The following TEAD4 variants were observed in gnomAD, a reference collection of about 807,000 sequenced individuals.
TEAD4 encodes the protein transcriptional enhancer factor TEF-3.
TEAD4 carries 36 observed loss-of-function variants against 52.4 expected under a neutral mutation model. The ratio of observed to expected loss-of-function variants is 0.69; its 90% CI spans 0.53 to 0.91. TEAD4 has a LOEUF of 0.91. Among genes scored for constraint, TEAD4 ranks in the 40% least tolerant of loss-of-function variants. The pLI is 0.00. For missense variants in TEAD4, 508 were observed against 583.9 expected (o/e 0.87, Z 1.34); for synonymous variants, 220 against 231.0 (o/e 0.95, Z 0.43).
chr12:2,972,983 C>A (rs1184300344), intron 2 of TEAD4, among the ~76,000 whole-genome samples: 7 of 152,210 alleles, frequency 4.6e-5, no homozygotes, highest in Non-Finnish European at 7.3e-5. Context: ...CATGCATTGG[C>A]CCCTTGGAGG....
chr12:2,992,019 T>C (rs767484428), intron 2 of TEAD4, among the ~76,000 whole-genome samples: 24,490 of 113,992 alleles, frequency 0.21, 2,577 homozygotes, highest in African/African-American at 0.51. Context: ...GTTCCTGCTT[T>C]TTTTTTTTTT....
intron 8 of TEAD4, among the ~76,000 whole-genome samples, chr12:3,019,923 A>G (rs1000425788): frequency 6.6e-6 from 1 of 152,012 alleles, no homozygotes; most frequent in East Asian, 1.9e-4. Flanking sequence ...CACACTGACC[A>G]TGTCTTCACT....
chr12:3,000,967 C>G (rs1170393655), intron 3 of TEAD4, among the ~76,000 whole-genome samples: 2 of 152,220 alleles, frequency 1.3e-5, no homozygotes, highest in South Asian at 2.1e-4. Context: ...ACCATGGCCT[C>G]ATTTGCAGGA....
At chr12:3,017,675 C>T in intron 6 of TEAD4, 149 bp downstream of exon 6, 1 of 1,164,924 alleles carries the variant, frequency 8.6e-7, no homozygotes, top group Non-Finnish European at 1.2e-6. Context: ...GAACAAGGAC[C>T]CAAGGGCCAC....
Position 3,040,556 on chromosome 12 carries a change from G to T in TEAD4, c.*78G>T. ...CGTGGGGAGGGGACCTGCAGGGGCA[G>T]CCCCCTGAAGTGCCAAGAGAGCTGA... On this transcript the variant is annotated 3_prime_UTR_variant, in exon 13 of 13. Transcript: ENST00000359864. 7.7e-7 allele frequency: 1 copy of T among 1,302,262 alleles called. No individual in the cohort carries two copies. Among genetic ancestry groups the T allele is most frequent in the Non-Finnish European group, 1.1e-6 (1 of 916,362 alleles). 80.7% of individuals were successfully genotyped at this position (1,302,262 alleles called of 1,614,324 possible).
intron 8 of TEAD4, 141 bp downstream of exon 8, chr12:3,019,311 T>A: frequency 1.1e-6 from 1 of 937,812 alleles, no homozygotes; most frequent in Non-Finnish European, 1.6e-6. Context: ...TCCTAGTCCC[T>A]GGCCACACCC....
chr12:3,010,864 C>A, intron 3 of TEAD4, 140 bp from the exon 4 acceptor site: 1 of 858,300 alleles, frequency 1.2e-6, no homozygotes, highest in South Asian at 1.7e-5. Flanking sequence ...AGGGAACCCA[C>A]AGAATCCTCA....
chr12:2,990,357 A>G (rs1014294332), intron 2 of TEAD4, among the ~76,000 whole-genome samples: 3 of 151,852 alleles, frequency 2.0e-5, no homozygotes, highest in African/African-American at 7.3e-5. Context: ...ACTAAGCGAT[A>G]TAAAATTCAA....
At chr12:3,017,059 C>G in intron 5 of TEAD4, 1 of 480,756 alleles carries the variant, frequency 2.1e-6, no homozygotes, top group Non-Finnish European at 4.1e-6. Flanking sequence ...ATCGTTTTCA[C>G]AAGACAGGTG....
intron 3 of TEAD4, among the ~76,000 whole-genome samples, 177 bp downstream of exon 3, chr12:2,995,169 G>C (rs1160701752): frequency 6.6e-6 from 1 of 152,060 alleles, no homozygotes; most frequent in Non-Finnish European, 1.5e-5. Context: ...GGAGAAGCCT[G>C]TGAGGGGGTG....
At position 2,966,716 on chromosome 12, in the gene TEAD4, C is replaced by CT. The variant is rs1418698433; in HGVS notation, c.-30+6684dup. 5.8e-4 allele frequency among the ~76,000 whole-genome samples: 88 copies of CT among 151,114 alleles called. 1 individual carries two copies. The highest frequency in any genetic ancestry group is 3.5e-3 in the East Asian group (18 of 5,114). On this transcript the variant is annotated intron_variant, in intron 2 of 12. Coordinates refer to ENST00000359864, the MANE Select transcript of TEAD4 (RefSeq NM_003213.4). Reference sequence around the variant, plus strand: ...GTGAGCCACCATGCCCGGCGTATTTCTTTTTTTTGAGATGGAGTCTCGCCC... The same window carrying CT: ...GTGAGCCACCATGCCCGGCGTATTTCTTTTTTTTTGAGATGGAGTCTCGCCC...
chr12:2,975,876 T>C (rs1301255903), intron 2 of TEAD4, among the ~76,000 whole-genome samples: 1 of 152,222 alleles, frequency 6.6e-6, no homozygotes, highest in African/African-American at 2.4e-5. Flanking sequence ...CATTGATCTT[T>C]TGACTGTCCC....
Position 3,022,101 on chromosome 12 carries a change from T to A in TEAD4, c.897+84T>A, listed in dbSNP as rs557797362. ...GGGCGAGAGTGCCCAGAGTGTGCCC[T>A]TGTCACAGTAGAAACTTGGGGAGGT... On this transcript the variant is annotated intron_variant, in intron 10 of 12. Coordinates refer to ENST00000359864, the MANE Select transcript of TEAD4 (RefSeq NM_003213.4). The A allele has an allele frequency of 7.2e-4, 1,109 of 1,534,138 alleles. 2 individuals carry two copies. Among genetic ancestry groups the A allele is most frequent in the Non-Finnish European group, 9.0e-4 (1,021 of 1,130,460 alleles).
At chr12:2,995,769 G>A (rs1475297509) in intron 3 of TEAD4, among the ~76,000 whole-genome samples, 1 of 152,194 alleles carries the variant, frequency 6.6e-6, no homozygotes, top group East Asian at 1.9e-4. Flanking sequence ...CACTTTGGGA[G>A]GCCAAGGTGG....
At chr12:3,032,917 G>A (rs747640459) in intron 10 of TEAD4, among the ~76,000 whole-genome samples, 1 of 152,182 alleles carries the variant, frequency 6.6e-6, no homozygotes, top group Admixed American at 6.5e-5. Flanking sequence ...AGGCTGCCCC[G>A]GCTCCCCCCG....
At chr12:2,986,701 A>C (rs1264287743) in intron 2 of TEAD4, among the ~76,000 whole-genome samples, 1 of 152,148 alleles carries the variant, frequency 6.6e-6, no homozygotes, top group Non-Finnish European at 1.5e-5. Flanking sequence ...CAAAAAGTAT[A>C]GTATAGTAAA....
At position 3,039,092 on chromosome 12, in the gene TEAD4, C is replaced by T. The variant is rs534860946; in HGVS notation, c.1038+984C>T. ...CTCATGCCAAATGCAGCCAGATGCCCGGCCAGCACCAGGGAGGAGACATTA... is the reference window on the plus strand; with the variant it reads ...CTCATGCCAAATGCAGCCAGATGCCTGGCCAGCACCAGGGAGGAGACATTA... On this transcript the variant is annotated intron_variant, in intron 11 of 12. Coordinates refer to ENST00000359864, the MANE Select transcript of TEAD4 (RefSeq NM_003213.4). Among the ~76,000 whole-genome samples, 28 of 152,296 alleles carry T rather than the reference C, an allele frequency of 1.8e-4. No individual in the cohort carries two copies. In the South Asian group the frequency reaches 3.3e-3, roughly 18 times the overall value.
At chr12:3,029,306 C>T (rs1358345381) in intron 10 of TEAD4, among the ~76,000 whole-genome samples, 2 of 142,626 alleles carry the variant, frequency 1.4e-5, no homozygotes, top group Non-Finnish European at 1.5e-5. Flanking sequence ...GGCATGATCT[C>T]GGCTCACTGC....
At chr12:2,998,683 G>T (rs1249459036) in intron 3 of TEAD4, among the ~76,000 whole-genome samples, 1 of 152,118 alleles carries the variant, frequency 6.6e-6, no homozygotes, top group African/African-American at 2.4e-5. Context: ...TGGCACCTCT[G>T]CTTGCAGATG....
Sources: gnomAD v4.1 joint callset for allele counts (sites outside exome capture counted in the v4.1 genomes callset) on GRCh38, gnomAD v4.1.1 for gene constraint, MANE v1.5 for transcripts, NCBI Gene and HGNC (gene_info 2026-07-23, HGNC 2026-07-21) for gene names.